The following ABCB5 variants were observed in gnomAD, a reference collection of about 807,000 sequenced individuals.
ABCB5 encodes ATP-binding cassette sub-family B member 5.
In ABCB5, 155 loss-of-function variants were observed where a neutral mutation model predicts 144.2. The observed-to-expected ratio is 1.08, with a 90% CI of 0.94 to 1.23. The LOEUF is 1.23. Ranked by LOEUF, ABCB5 falls within the 50% of genes most tolerant of loss-of-function variation. The pLI, the probability that ABCB5 is intolerant of heterozygous loss-of-function variation, is 0.00. For missense variants in ABCB5, 1,830 were observed against 1,520.8 expected, an observed-to-expected ratio of 1.20 and a Z score of -3.38; for synonymous variants, 610 against 528.6, an observed-to-expected ratio of 1.15 and a Z score of -2.11.
intron 16 of ABCB5, among the ~76,000 whole-genome samples, chr7:20,697,257 TG>T (rs897754902): frequency 5.3e-5 from 8 of 152,322 alleles, no homozygotes; most frequent in Admixed American, 5.2e-4. Flanking sequence ...TTCAAAGTTC[TG>T]TTGTCCAAAC....
At position 20,660,263 on chromosome 7, in the gene ABCB5, A is replaced by G. The variant is rs573052722; in HGVS notation, c.1707+1587A>G. On this transcript the variant is annotated intron_variant, in intron 14 of 27. Transcript: ENST00000404938. Reference sequence around the variant, plus strand: ...CAAAATAGCAACTGTGAAAAAAATGAAGGCAATATATGAAAATAATAACAG... The same window carrying G: ...CAAAATAGCAACTGTGAAAAAAATGGAGGCAATATATGAAAATAATAACAG... The G allele has an allele frequency of 5.2e-5, 51 of 985,402 alleles. No individual in the cohort carries two copies. The African/African-American group carries it at 8.4e-4, about 16-fold the overall frequency. 61.0% of individuals were successfully genotyped at this position (985,402 alleles called of 1,614,324 possible).
At chr7:20,695,349 C>G (rs1238358847) in intron 16 of ABCB5, among the ~76,000 whole-genome samples, 1 of 151,490 alleles carries the variant, frequency 6.6e-6, no homozygotes. Context: ...GATTCTGGAT[C>G]AATTATATAT....
chr7:20,653,009 G>A (rs1194310214), intron 13 of ABCB5, among the ~76,000 whole-genome samples: 1 of 152,044 alleles, frequency 6.6e-6, no homozygotes, highest in Non-Finnish European at 1.5e-5. Context: ...ACATATTTAG[G>A]CCAAAAAAAT....
chr7:20,723,294 T>G, intron 21 of ABCB5, 75 bp downstream of exon 21: 1 of 1,383,106 alleles, frequency 7.2e-7, no homozygotes, highest in Non-Finnish European at 1.0e-6. Flanking sequence ...ATGTTAACTA[T>G]ATGATGTGTT....
intron 16 of ABCB5, among the ~76,000 whole-genome samples, chr7:20,696,360 T>G (rs1450248564): frequency 6.6e-6 from 1 of 152,006 alleles, no homozygotes; most frequent in African/African-American, 2.4e-5. Context: ...GTTCTAAAAA[T>G]GCAAACTAAT....
At chr7:20,714,912 G>A (rs1409112467) in intron 20 of ABCB5, among the ~76,000 whole-genome samples, 2 of 152,180 alleles carry the variant, frequency 1.3e-5, no homozygotes, top group Non-Finnish European at 2.9e-5. Context: ...TAAGTGACAT[G>A]ACTCTCAAAT....
chr7:20,745,205 C>A, intron 25 of ABCB5, 27 bp from the exon 26 acceptor site: 1 of 1,609,012 alleles, frequency 6.2e-7, no homozygotes, highest in Non-Finnish European at 8.5e-7. Flanking sequence ...GATCTTAACA[C>A]ACCATTCTCC....
intron 9 of ABCB5, among the ~76,000 whole-genome samples, chr7:20,646,980 G>T (rs1473146528): frequency 1.3e-5 from 2 of 152,196 alleles, no homozygotes; most frequent in Admixed American, 1.3e-4. Context: ...TCATCTATAT[G>T]ATAGGAGTAA....
intron 1 of ABCB5, 141 bp from the exon 2 acceptor site, chr7:20,623,124 G>C (rs1172001696): frequency 1.7e-6 from 1 of 581,200 alleles, no homozygotes; most frequent in African/African-American, 1.9e-5. Flanking sequence ...ACTTCAATTG[G>C]AGTGGGGGGC....
intron 14 of ABCB5, among the ~76,000 whole-genome samples, chr7:20,660,555 G>C (rs1784970246): frequency 6.6e-6 from 1 of 152,118 alleles, no homozygotes; most frequent in Non-Finnish European, 1.5e-5. Context: ...GGTGATGGAA[G>C]CTGTAGCACC....
At chr7:20,682,708 T>G (rs978259409) in intron 15 of ABCB5, among the ~76,000 whole-genome samples, 1 of 152,130 alleles carries the variant, frequency 6.6e-6, no homozygotes, top group Non-Finnish European at 1.5e-5. Context: ...GGGCACTCAA[T>G]AAACACTTGC....
chr7:20,659,043 C>G (rs199774337), intron 14 of ABCB5: 34 of 1,611,622 alleles, frequency 2.1e-5, no homozygotes, highest in Non-Finnish European at 2.8e-5. Flanking sequence ...GGATTCTCTT[C>G]TCTGACCACT....
At chr7:20,671,482 C>T (rs1251573068) in intron 14 of ABCB5, among the ~76,000 whole-genome samples, 2 of 152,196 alleles carry the variant, frequency 1.3e-5, no homozygotes, top group African/African-American at 2.4e-5. Flanking sequence ...CAGCCCTCCT[C>T]CCCTGATCCT....
At chr7:20,670,282 T>C (rs907015177) in intron 14 of ABCB5, among the ~76,000 whole-genome samples, 4 of 151,412 alleles carry the variant, frequency 2.6e-5, no homozygotes, top group African/African-American at 9.7e-5. Flanking sequence ...TTGTGGCAAA[T>C]GCATCATAGA....
chr7:20,640,542 T>C (rs1429028302), intron 5 of ABCB5, among the ~76,000 whole-genome samples: 1 of 152,136 alleles, frequency 6.6e-6, no homozygotes, highest in East Asian at 1.9e-4. Context: ...TTGGGAATCA[T>C]TACAAATAGC....
At chr7:20,685,241 C>G (rs1332645418) in intron 15 of ABCB5, among the ~76,000 whole-genome samples, 1 of 152,138 alleles carries the variant, frequency 6.6e-6, no homozygotes, top group Non-Finnish European at 1.5e-5. Context: ...GAATGGGTAG[C>G]AGGGGCAGGC....
intron 5 of ABCB5, among the ~76,000 whole-genome samples, chr7:20,635,135 C>T (rs770160943): frequency 6.6e-6 from 1 of 152,028 alleles, no homozygotes; most frequent in Non-Finnish European, 1.5e-5. Context: ...TTCCAATTTT[C>T]CCAGCACCAC....
intron 14 of ABCB5, among the ~76,000 whole-genome samples, chr7:20,664,175 G>A (rs920551878): frequency 1.3e-5 from 2 of 152,094 alleles, no homozygotes; most frequent in African/African-American, 4.8e-5. Context: ...CTTTAAAATG[G>A]CTATAATGGT....
At chr7:20,742,558 G>C (rs1480109499) in intron 24 of ABCB5, among the ~76,000 whole-genome samples, 1 of 152,130 alleles carries the variant, frequency 6.6e-6, no homozygotes. Flanking sequence ...AAAGAAAAAC[G>C]TATTACCCAG....
Sources: gnomAD v4.1 joint callset for allele counts (sites outside exome capture counted in the v4.1 genomes callset) on GRCh38, gnomAD v4.1.1 for gene constraint, MANE v1.5 for transcripts, NCBI Gene and HGNC (gene_info 2026-07-23, HGNC 2026-07-21) for gene names.